REPS2: variants seen among roughly 807,000 people sequenced by gnomAD.
The protein encoded by REPS2 is ralBP1-associated Eps domain-containing protein 2.
Under a neutral mutation model 53.6 loss-of-function variants are expected in REPS2, and 23 were observed. That is an observed-to-expected ratio of 0.43 (90% CI 0.31 to 0.61). The LOEUF (loss-of-function observed/expected upper bound fraction) is 0.61, where lower values mean the gene tolerates loss of function less well. Among genes scored for constraint, REPS2 ranks in the 20% least tolerant of loss-of-function variants. The probability of loss-of-function intolerance (pLI) is 0.11; values close to 1 mark genes in which losing one functional copy is unlikely to be tolerated. For synonymous variants in REPS2, 238 were observed against 218.6 expected (o/e 1.09, Z -0.78); for missense variants, 446 against 534.9 (o/e 0.83, Z 1.64).
chrX:16,964,161 G>A (rs1179338692), intron 1 of REPS2, among the ~76,000 whole-genome samples: 2 of 107,413 alleles, frequency 1.9e-5, no homozygotes, highest in Non-Finnish European at 3.8e-5. Flanking sequence ...GTTTTCCTAG[G>A]CAGAGGACCC....
At chrX:17,100,786 T>A (rs1299366715) in intron 13 of REPS2, among the ~76,000 whole-genome samples, 1 of 111,391 alleles carries the variant, frequency 9.0e-6, no homozygotes, top group Non-Finnish European at 1.9e-5. Context: ...CTCTTAGTAT[T>A]TGTTTAATAT....
At chrX:17,024,363 G>GTTTTTT (rs900082438) in intron 3 of REPS2, among the ~76,000 whole-genome samples, 24 of 71,677 alleles carry the variant, frequency 3.3e-4, no homozygotes, top group African/African-American at 1.3e-3. Flanking sequence ...TACTAGTAAA[G>GTTTTTT]TTTTTTTTTT....
At chrX:17,008,862 T>A (rs900595165) in intron 2 of REPS2, among the ~76,000 whole-genome samples, 1 of 111,245 alleles carries the variant, frequency 9.0e-6, no homozygotes, top group Non-Finnish European at 1.9e-5. Context: ...CATGCACCTG[T>A]GTGTATGTGC....
intron 14 of REPS2, among the ~76,000 whole-genome samples, chrX:17,104,575 C>T (rs944487197): frequency 5.3e-4 from 59 of 111,811 alleles, no homozygotes; most frequent in Middle Eastern, 4.6e-3. Context: ...TCCTTCCATA[C>T]GGGGACATCT....
chrX:17,167,709 A>C, the REPS2 span, among the ~76,000 whole-genome samples: 6 of 108,436 alleles, frequency 5.5e-5, no homozygotes, highest in Non-Finnish European at 9.5e-5. Context: ...AAATGAGTGA[A>C]ATAGTACATT....
At chrX:17,038,982 TCATTCTCCAAAG>T (rs1217728199) in intron 5 of REPS2, among the ~76,000 whole-genome samples, 9 of 112,276 alleles carry the variant, frequency 8.0e-5, no homozygotes, top group Non-Finnish European at 1.7e-4. Context: ...GTCAGTAGCC[TCATTCTCCAAAG>T]CATTCTTGAA....
At chrX:17,005,238 A>G (rs948190542) in intron 1 of REPS2, among the ~76,000 whole-genome samples, 1 of 111,354 alleles carries the variant, frequency 9.0e-6, no homozygotes, top group African/African-American at 3.3e-5. Context: ...TTATGCTAGG[A>G]GATGAATGGA....
the REPS2 span, among the ~76,000 whole-genome samples, chrX:17,158,471 A>C: frequency 8.9e-6 from 1 of 112,159 alleles, no homozygotes; most frequent in African/African-American, 3.2e-5. Context: ...TATGTATCAT[A>C]GATCTGAATG....
rs145172394 is a variant in REPS2, at chrX:17,078,911, G to A, written c.1516+1504G>A. Among the ~76,000 whole-genome samples, 121 of 112,255 alleles carry A rather than the reference G, an allele frequency of 1.1e-3. 1 individual carries two copies. The highest frequency in any genetic ancestry group is 3.9e-3 in the African/African-American group (119 of 30,904). ...TTTATGCATCTCAGATTCCTAATCT[G>A]TACAGTAGAGCCAATACTCCATGGA... On this transcript the variant is annotated intron_variant, in intron 13 of 17. Transcript: ENST00000357277.
At chrX:17,053,959 C>G (rs112347457) in intron 7 of REPS2, among the ~76,000 whole-genome samples, 2,862 of 112,006 alleles carry the variant, frequency 0.026, 99 homozygotes, top group African/African-American at 0.089. Context: ...TAATACCTTT[C>G]TAGAATAATT....
In REPS2 at chrX:17,110,564, C is replaced by T. The variant is rs918495584; in HGVS notation, c.1578+6785C>T. Among the ~76,000 whole-genome samples, 14 of 105,232 alleles carry T rather than the reference C, an allele frequency of 1.3e-4. 1 individual carries two copies. In the South Asian group the frequency reaches 2.1e-3, roughly 16 times the overall value. The allele number at this position is 105,232 out of a possible 115,157, so 91.4% of individuals were successfully genotyped here. ...AAAATTAGCCGGGCGGGGTGGCAGG[C>T]GCCTGTAGTCCCAGCTACTCAGGAG... On this transcript the variant is annotated intron_variant, in intron 14 of 17. Coordinates refer to ENST00000357277, the MANE Select transcript of REPS2 (RefSeq NM_004726.3).
At chrX:17,113,023 C>T (rs1477860022) in intron 14 of REPS2, among the ~76,000 whole-genome samples, 7 of 85,672 alleles carry the variant, frequency 8.2e-5, no homozygotes, top group Non-Finnish European at 1.5e-4. Context: ...ACCCAGGAGG[C>T]GGAGCTTGCA....
At chrX:17,015,657 C>T (rs1402501051) in intron 2 of REPS2, among the ~76,000 whole-genome samples, 5 of 108,725 alleles carry the variant, frequency 4.6e-5, no homozygotes, top group East Asian at 2.9e-4. Context: ...TGAGAACATG[C>T]GGTGTTTGGT....
the REPS2 span, among the ~76,000 whole-genome samples, chrX:17,190,591 C>G: frequency 8.9e-6 from 1 of 112,173 alleles, no homozygotes; most frequent in African/African-American, 3.2e-5. Context: ...AAAATTCCAG[C>G]AGGATTTTTT....
At chrX:17,088,079 C>T (rs2062565531) in intron 13 of REPS2, among the ~76,000 whole-genome samples, 1 of 110,599 alleles carries the variant, frequency 9.0e-6, no homozygotes. Flanking sequence ...CATTTGTATT[C>T]TCTCTCTCTC....
intron 14 of REPS2, among the ~76,000 whole-genome samples, chrX:17,112,008 G>T (rs2062978098): frequency 9.1e-6 from 1 of 109,693 alleles, no homozygotes; most frequent in Non-Finnish European, 1.9e-5. Flanking sequence ...TCGCTCTGTT[G>T]TCCAGGCTGG....
chrX:17,028,491 C>G (rs2061673580), intron 4 of REPS2, among the ~76,000 whole-genome samples: 1 of 112,052 alleles, frequency 8.9e-6, no homozygotes, highest in Middle Eastern at 4.2e-3. Flanking sequence ...TTCTGAAAAT[C>G]TACTTGATGG....
At chrX:17,162,245 C>T in the REPS2 span, among the ~76,000 whole-genome samples, 1 of 112,466 alleles carries the variant, frequency 8.9e-6, no homozygotes, top group African/African-American at 3.2e-5. Context: ...ACTCAGAGCT[C>T]ATCCAGTGTG....
At chrX:17,144,748 T>C (rs1444973454) in intron 17 of REPS2, among the ~76,000 whole-genome samples, 1 of 112,094 alleles carries the variant, frequency 8.9e-6, no homozygotes, top group African/African-American at 3.2e-5. Context: ...TCCTAGCCTT[T>C]CCTAAGGGGG....
Sources: allele counts gnomAD v4.1 joint callset (sites outside exome capture counted in the v4.1 genomes callset), GRCh38; gene constraint gnomAD v4.1.1; transcripts MANE v1.5; gene names NCBI Gene and HGNC (gene_info 2026-07-23, HGNC 2026-07-21).